Variants in FTCDNL1 observed in about 807,000 individuals in gnomAD.
FTCDNL1 encodes the protein formiminotransferase cyclodeaminase N-terminal like.
Under a neutral mutation model 5.9 loss-of-function variants are expected in FTCDNL1, and 11 were observed. That is an observed-to-expected ratio of 1.87 (90% CI 1.18 to 3.10). The LOEUF (loss-of-function observed/expected upper bound fraction) is 3.10. Ranked by LOEUF, FTCDNL1 falls within the 30% of genes most tolerant of loss-of-function variation. The pLI is 0.00. For synonymous variants in FTCDNL1, 58 were observed against 24.8 expected (o/e 2.34, Z -3.99); for missense variants, 115 against 65.5 (o/e 1.76, Z -2.61).
the FTCDNL1 span, among the ~76,000 whole-genome samples, chr2:199,719,697 C>T: frequency 2.2e-4 from 34 of 151,840 alleles, no homozygotes; most frequent in South Asian, 1.5e-3. Context: ...TGCTGTGGCA[C>T]GATCTCAGCT....
intron 3 of FTCDNL1, among the ~76,000 whole-genome samples, chr2:199,835,550 A>G (rs1365742164): frequency 6.6e-6 from 1 of 152,148 alleles, no homozygotes; most frequent in Non-Finnish European, 1.5e-5. Context: ...GACAGTGTGG[A>G]GAGACTTGCA....
chr2:199,666,444 G>A, the FTCDNL1 span, among the ~76,000 whole-genome samples: 10 of 152,094 alleles, frequency 6.6e-5, no homozygotes, highest in South Asian at 4.1e-4. Flanking sequence ...CCCATGTTAC[G>A]CATACATGTG....
chr2:199,740,311 C>T, the FTCDNL1 span, among the ~76,000 whole-genome samples: 1 of 152,206 alleles, frequency 6.6e-6, no homozygotes, highest in Non-Finnish European at 1.5e-5. Context: ...GAAGAGAAAA[C>T]TCTGCAGGTG....
chr2:199,664,578 C>G, the FTCDNL1 span, among the ~76,000 whole-genome samples: 1 of 152,130 alleles, frequency 6.6e-6, no homozygotes, highest in Non-Finnish European at 1.5e-5. Context: ...TCAAAAGCCT[C>G]CATTATTCAC....
Position 199,810,910 on chromosome 2 carries a change from T to C in FTCDNL1, c.*1795A>G, listed in dbSNP as rs1700998366. 6.6e-6 allele frequency among the ~76,000 whole-genome samples: 1 copy of C among 152,224 alleles called. No individual in the cohort carries two copies. Among genetic ancestry groups the C allele is most frequent in the Non-Finnish European group, 1.5e-5 (1 of 68,044 alleles). ...GTCAGCATCCATCAGAGAAATGCCT[T>C]CTGGGTTCACTTTTCCCTAGACTAC... On this transcript the variant is annotated 3_prime_UTR_variant, in exon 5 of 5. Coordinates refer to ENST00000420128, the MANE Select transcript of FTCDNL1 (RefSeq NM_001363886.2).
chr2:199,846,149 G>A lies in FTCDNL1; in HGVS notation c.137C>T (p.Ser46Leu). 1 of 698,314 alleles carries A rather than the reference G, an allele frequency of 1.4e-6. No individual in the cohort carries two copies. The allele number at this position is 698,314 out of a possible 1,614,324, so 43.3% of individuals were successfully genotyped here. Residue 46 changes from serine (S) to leucine (L), a missense_variant, in exon 3 of 5, where the codon TCA becomes TTA. Coordinates refer to ENST00000420128, the MANE Select transcript of FTCDNL1 (RefSeq NM_001363886.2). ...DKNGKKHPQV[S>L]VLNIFSDQDY... Reference sequence around the variant, plus strand: ...TTGATCGGAAAATATATTGAGCACTGAAACTTGAGGATGTTTCTTTCCTGT... The same window carrying A: ...TTGATCGGAAAATATATTGAGCACTAAAACTTGAGGATGTTTCTTTCCTGT...
the FTCDNL1 span, among the ~76,000 whole-genome samples, chr2:199,679,107 G>A: frequency 6.6e-6 from 1 of 152,014 alleles, no homozygotes. Context: ...CAAATTCTTT[G>A]TTGATTTAGC....
chr2:199,821,722 C>G (rs1701705376), intron 3 of FTCDNL1, among the ~76,000 whole-genome samples: 1 of 152,182 alleles, frequency 6.6e-6, no homozygotes, highest in Non-Finnish European at 1.5e-5. Context: ...CTCAGCCTCC[C>G]AAAGTGCTGG....
intron 3 of FTCDNL1, among the ~76,000 whole-genome samples, chr2:199,838,110 G>A (rs1462428320): frequency 2.6e-5 from 4 of 152,168 alleles, no homozygotes; most frequent in African/African-American, 9.7e-5. Context: ...AGAGACACTG[G>A]GTCTAGCATG....
chr2:199,783,243 C>G (rs566116291), intron 3 of FTCDNL1, among the ~76,000 whole-genome samples: 2 of 152,298 alleles, frequency 1.3e-5, no homozygotes, highest in East Asian at 3.9e-4. Context: ...AAGTATTCTC[C>G]AAGCCCACAT....
At chr2:199,712,971 C>T in the FTCDNL1 span, among the ~76,000 whole-genome samples, 1 of 152,170 alleles carries the variant, frequency 6.6e-6, no homozygotes, top group African/African-American at 2.4e-5. Flanking sequence ...TTCAAAGTAT[C>T]TTTTTTGGGG....
At chr2:199,687,850 G>A in the FTCDNL1 span, among the ~76,000 whole-genome samples, 639 of 152,270 alleles carry the variant, frequency 4.2e-3, 7 homozygotes, top group African/African-American at 0.015. Flanking sequence ...TAATATATGT[G>A]TTTTTATCTC....
the FTCDNL1 span, among the ~76,000 whole-genome samples, chr2:199,675,923 G>A: frequency 2.0e-5 from 3 of 152,088 alleles, no homozygotes; most frequent in Admixed American, 6.5e-5. Context: ...GCTAATTTTT[G>A]TATTTTTTGT....
At chr2:199,790,180 CAA>C (rs1699851212) in intron 3 of FTCDNL1, among the ~76,000 whole-genome samples, 1 of 151,536 alleles carries the variant, frequency 6.6e-6, no homozygotes, top group African/African-American at 2.4e-5. Flanking sequence ...ACTTGAAAGG[CAA>C]AAGAGACACA....
At chr2:199,806,816 T>C (rs927163491), downstream of FTCDNL1, among the ~76,000 whole-genome samples, 4 of 152,206 alleles carry the variant, frequency 2.6e-5, no homozygotes, top group Non-Finnish European at 5.9e-5. Flanking sequence ...TTGCTTTCCT[T>C]ATCCCTCTTT....
the FTCDNL1 span, among the ~76,000 whole-genome samples, chr2:199,686,139 G>A: frequency 6.6e-5 from 10 of 152,340 alleles, no homozygotes; most frequent in Admixed American, 2.6e-4. Flanking sequence ...GCTGTTCAGC[G>A]TGGGTGTGAA....
chr2:199,832,629 C>A (rs962556261), intron 3 of FTCDNL1, among the ~76,000 whole-genome samples: 2 of 152,148 alleles, frequency 1.3e-5, no homozygotes, highest in East Asian at 1.9e-4. Context: ...TCCCTTTTCT[C>A]AGAAGGTACC....
At chr2:199,840,748 C>CT (rs2076562309) in intron 3 of FTCDNL1, among the ~76,000 whole-genome samples, 3 of 151,984 alleles carry the variant, frequency 2.0e-5, no homozygotes, top group Admixed American at 2.0e-4. Flanking sequence ...ATAAACCCCC[C>CT]TACAGTATGT....
At chr2:199,781,976 G>T (rs530073725) in intron 3 of FTCDNL1, among the ~76,000 whole-genome samples, 1 of 152,172 alleles carries the variant, frequency 6.6e-6, no homozygotes, top group Admixed American at 6.5e-5. Flanking sequence ...GTAGAGACAG[G>T]GTTCCACCAT....
Sources: gnomAD v4.1 joint callset for allele counts (sites outside exome capture counted in the v4.1 genomes callset) on GRCh38, gnomAD v4.1.1 for gene constraint, MANE v1.5 for transcripts, NCBI Gene and HGNC (gene_info 2026-07-23, HGNC 2026-07-21) for gene names.